Variants in ABCD3 observed in about 807,000 individuals in gnomAD.
ABCD3 encodes ATP-binding cassette sub-family D member 3.
Under a neutral mutation model 105.5 loss-of-function variants are expected in ABCD3, and 41 were observed. That is an observed-to-expected ratio of 0.39 (90% CI 0.30 to 0.50). ABCD3 has a LOEUF of 0.50. ABCD3 is among the 20% of genes least tolerant of loss of function. The probability of loss-of-function intolerance (pLI) is 0.84; values close to 1 mark genes in which losing one functional copy is unlikely to be tolerated. For missense variants in ABCD3, 622 were observed against 806.3 expected (o/e 0.77, Z 2.77); for synonymous variants, 258 against 269.0 (o/e 0.96, Z 0.40).
Position 94,418,571 on chromosome 1 carries a change from C to T in ABCD3, c.93C>T (p.Arg31=), listed in dbSNP as rs775974553. The T allele has an allele frequency of 4.4e-5, 70 of 1,599,712 alleles. 1 individual carries two copies. The highest frequency in any genetic ancestry group is 3.0e-4 in the Admixed American group (18 of 59,646). Residue 31 remains arginine, a synonymous_variant, in exon 1 of 23, where the codon CGC becomes CGT. Coordinates refer to ENST00000370214, the MANE Select transcript of ABCD3 (RefSeq NM_002858.4). ...LLLCLLHKRR[R]ALGLHGKKSG... ...TCTGCCTGCTCCACAAGCGGCGCCGCGCCCTCGGCCTGCACGGGTAAGAAG... is the reference window on the plus strand; with the variant it reads ...TCTGCCTGCTCCACAAGCGGCGCCGTGCCCTCGGCCTGCACGGGTAAGAAG...
At chr1:94,485,682 A>G (rs1026344269) in intron 10 of ABCD3, among the ~76,000 whole-genome samples, 5 of 152,120 alleles carry the variant, frequency 3.3e-5, no homozygotes, top group African/African-American at 1.2e-4. Context: ...TCTTTCCTTA[A>G]AAGTATATAT....
At chr1:94,410,880 C>G in the ABCD3 span, among the ~76,000 whole-genome samples, 1 of 152,170 alleles carries the variant, frequency 6.6e-6, no homozygotes, top group African/African-American at 2.4e-5. Flanking sequence ...ATTTCATTTT[C>G]AAATGTAATT....
intron 4 of ABCD3, among the ~76,000 whole-genome samples, chr1:94,471,290 G>A (rs1025192835): frequency 2.6e-5 from 4 of 151,998 alleles, no homozygotes; most frequent in Admixed American, 2.6e-4. Context: ...GGGTGTGGTG[G>A]CTCATACCTG....
the ABCD3 span, among the ~76,000 whole-genome samples, chr1:94,395,904 A>G: frequency 6.6e-6 from 1 of 152,074 alleles, no homozygotes; most frequent in African/African-American, 2.4e-5. Flanking sequence ...ACACACACAC[A>G]TACACACACA....
intron 1 of ABCD3, among the ~76,000 whole-genome samples, chr1:94,453,580 A>G (rs1647372890): frequency 6.6e-6 from 1 of 151,978 alleles, no homozygotes; most frequent in South Asian, 2.1e-4. Context: ...GGCCTCCCAA[A>G]GTGCTGGGAT....
chr1:94,412,533 G>A, the ABCD3 span, among the ~76,000 whole-genome samples: 1 of 152,122 alleles, frequency 6.6e-6, no homozygotes, highest in Non-Finnish European at 1.5e-5. Context: ...GACCTCCACT[G>A]ATGGACATTT....
chr1:94,475,823 G>T, intron 7 of ABCD3, 86 bp downstream of exon 7: 2 of 1,047,420 alleles, frequency 1.9e-6, no homozygotes, highest in Non-Finnish European at 2.9e-6. Flanking sequence ...TGATTTTGTG[G>T]ACATAACAGC....
At chr1:94,480,232 G>A (rs2101005721) in intron 8 of ABCD3, 1 of 561,804 alleles carries the variant, frequency 1.8e-6, no homozygotes, top group Non-Finnish European at 3.2e-6. Flanking sequence ...TGAGCAAAAT[G>A]TAGGAGAGCT....
intron 1 of ABCD3, among the ~76,000 whole-genome samples, chr1:94,443,642 A>G (rs1361345529): frequency 6.6e-6 from 1 of 152,180 alleles, no homozygotes; most frequent in African/African-American, 2.4e-5. Flanking sequence ...TCATTAATCC[A>G]TCTTGAGTTA....
At chr1:94,484,825 G>T (rs1446005989) in intron 10 of ABCD3, among the ~76,000 whole-genome samples, 1 of 152,034 alleles carries the variant, frequency 6.6e-6, no homozygotes, top group African/African-American at 2.4e-5. Flanking sequence ...TTTTACAGAG[G>T]TTGCTTAGGA....
chr1:94,406,286 C>G, the ABCD3 span: 1 of 172,700 alleles, frequency 5.8e-6, no homozygotes, highest in African/African-American at 2.4e-5. Context: ...TCTGTCTATT[C>G]ATGTACTAGT....
At chr1:94,428,070 T>G (rs1659533410) in intron 1 of ABCD3, among the ~76,000 whole-genome samples, 1 of 134,216 alleles carries the variant, frequency 7.5e-6, no homozygotes, top group South Asian at 2.4e-4. Context: ...CTAAAAGGTG[T>G]TTTGTTTTTT....
intron 9 of ABCD3, chr1:94,482,956 A>G: frequency 1.8e-6 from 1 of 552,646 alleles, no homozygotes; most frequent in Non-Finnish European, 3.3e-6. Context: ...GCAGTCCAGC[A>G]TATGATTCAG....
intron 1 of ABCD3, among the ~76,000 whole-genome samples, chr1:94,435,910 G>T (rs1354003402): frequency 6.6e-6 from 1 of 152,048 alleles, no homozygotes; most frequent in East Asian, 1.9e-4. Context: ...CCTTATTTTT[G>T]CTCAATTGTC....
chr1:94,454,488 G>C (rs376618045), intron 1 of ABCD3, among the ~76,000 whole-genome samples: 1 of 152,100 alleles, frequency 6.6e-6, no homozygotes, highest in African/African-American at 2.4e-5. Context: ...CAAGTCAGGG[G>C]CTCGGGAAAG....
At chr1:94,438,328 AC>A (rs1395950392) in intron 1 of ABCD3, among the ~76,000 whole-genome samples, 37 of 151,312 alleles carry the variant, frequency 2.4e-4, no homozygotes, top group African/African-American at 9.0e-4. Flanking sequence ...ACACACACAC[AC>A]ACACACACAC....
chr1:94,406,522 C>T, the ABCD3 span: 1 of 383,872 alleles, frequency 2.6e-6, no homozygotes. Flanking sequence ...TTCTCTTTGG[C>T]TCCCTTCTTT....
At chr1:94,488,643 T>A (rs1221137309) in intron 13 of ABCD3, among the ~76,000 whole-genome samples, 1 of 152,084 alleles carries the variant, frequency 6.6e-6, no homozygotes, top group Non-Finnish European at 1.5e-5. Context: ...CTCTTTTTCC[T>A]CCTTCTTAGC....
intron 1 of ABCD3, among the ~76,000 whole-genome samples, chr1:94,427,480 T>G (rs1659510265): frequency 6.6e-6 from 1 of 152,210 alleles, no homozygotes; most frequent in African/African-American, 2.4e-5. Flanking sequence ...TACTGCCCAT[T>G]TAGATAAGTA....
Sources: allele counts gnomAD v4.1 joint callset (sites outside exome capture counted in the v4.1 genomes callset), GRCh38; gene constraint gnomAD v4.1.1; transcripts MANE v1.5; gene names NCBI Gene and HGNC (gene_info 2026-07-23, HGNC 2026-07-21).